The following RTF1 variants were observed in gnomAD, a reference collection of about 807,000 sequenced individuals.
RTF1 encodes the protein RNA polymerase-associated protein RTF1 homolog.
RTF1 carries 10 observed loss-of-function variants against 95.7 expected under a neutral mutation model. The ratio of observed to expected loss-of-function variants is 0.10; its 90% confidence interval spans 0.06 to 0.18. The LOEUF is 0.18. RTF1 is among the 10% of genes least tolerant of loss of function. The probability of loss-of-function intolerance (pLI) is 1.00; values close to 1 mark genes in which losing one functional copy is unlikely to be tolerated. For synonymous variants in RTF1, 305 were observed against 311.8 expected (o/e 0.98, Z 0.23); for missense variants, 458 against 875.6 (o/e 0.52, Z 6.02).
At chr15:41,429,693 A>G (rs2050658878) in intron 1 of RTF1, among the ~76,000 whole-genome samples, 2 of 152,086 alleles carry the variant, frequency 1.3e-5, no homozygotes, top group African/African-American at 4.8e-5. Flanking sequence ...AGCTGTTATC[A>G]GCTTCAGGGC....
At chr15:41,445,426 T>C (rs1266748357) in intron 2 of RTF1, among the ~76,000 whole-genome samples, 1 of 152,202 alleles carries the variant, frequency 6.6e-6, no homozygotes, top group Non-Finnish European at 1.5e-5. Flanking sequence ...TAATGTAGTA[T>C]TAATTATATT....
intron 6 of RTF1, among the ~76,000 whole-genome samples, chr15:41,469,205 G>A (rs555955569): frequency 1.4e-4 from 21 of 152,192 alleles, no homozygotes; most frequent in South Asian, 1.2e-3. Context: ...GACCTTAAGT[G>A]ATCCGCCTTG....
chr15:41,432,308 C>T (rs1197624134), intron 1 of RTF1, among the ~76,000 whole-genome samples: 2 of 151,542 alleles, frequency 1.3e-5, no homozygotes, highest in African/African-American at 4.8e-5. Context: ...CGCCATTCTC[C>T]CACCTCAGCC....
chr15:41,468,183 A>G lies in RTF1; in HGVS notation c.889+1931A>G, dbSNP rs544926784. 2.0e-5 allele frequency among the ~76,000 whole-genome samples: 3 copies of G among 152,110 alleles called. No individual in the cohort carries two copies. In the East Asian group the frequency reaches 5.8e-4, roughly 29 times the overall value. The stretch of plus-strand genomic sequence containing the variant: ...CTCTGTCTCAAAAAAAAAGAAAAAG[A>G]AATAATAACGTGTTCTGTCCTAGTA... On this transcript the variant is annotated intron_variant, in intron 6 of 17. Transcript: ENST00000389629.
chr15:41,462,272 C>T (rs1224617808), intron 4 of RTF1, among the ~76,000 whole-genome samples: 2 of 152,010 alleles, frequency 1.3e-5, no homozygotes, highest in Non-Finnish European at 2.9e-5. Flanking sequence ...ATGTAAGCAC[C>T]ATTAGCATCC....
intron 1 of RTF1, among the ~76,000 whole-genome samples, chr15:41,429,150 A>G (rs1158190636): frequency 1.3e-5 from 2 of 151,962 alleles, no homozygotes; most frequent in Non-Finnish European, 1.5e-5. Flanking sequence ...CTCCCAAAGT[A>G]CTGGGATTAC....
At chr15:41,419,901 C>T (rs1406244528) in intron 1 of RTF1, among the ~76,000 whole-genome samples, 4 of 152,118 alleles carry the variant, frequency 2.6e-5, no homozygotes, top group Admixed American at 6.6e-5. Flanking sequence ...CTCACTGCAA[C>T]CTCCGCCCAC....
In RTF1 at chr15:41,445,081, A is replaced by G. The variant is rs192456965; in HGVS notation, c.309+6650A>G. ...CTAGTAGCTGGGACTACAGGCGCCC[A>G]CCACCAATGCCCAGCTAATTTTTTT... On this transcript the variant is annotated intron_variant, in intron 2 of 17. Coordinates refer to ENST00000389629, the MANE Select transcript of RTF1 (RefSeq NM_015138.5). Among the ~76,000 whole-genome samples, 356 of 151,702 alleles carry G rather than the reference A, an allele frequency of 2.3e-3. 2 individuals are homozygous for G. The highest frequency in any genetic ancestry group is 8.4e-3 in the African/African-American group (348 of 41,376).
At position 41,426,781 on chromosome 15, in the gene RTF1, A is replaced by ATGTGTGTGTGTGTG. The variant is rs58073154; in HGVS notation, c.198+9500_198+9513dup. On this transcript the variant is annotated intron_variant, in intron 1 of 17. Transcript: ENST00000389629. ...TACTGTGCCCAGCCGCTACATATAT[A>ATGTGTGTGTGTGTG]TGTGTGTGTGTGTGTGTGTGTGTGT... Among the ~76,000 whole-genome samples the ATGTGTGTGTGTGTG allele has an allele frequency of 6.8e-4, 53 of 78,458 alleles. 1 individual carries two copies. The highest frequency in any genetic ancestry group is 2.0e-3 in the East Asian group (5 of 2,440). 51.5% of individuals were successfully genotyped at this position (78,458 alleles called of 152,430 possible). A position where few individuals can be genotyped will look rare whatever the true frequency, so the allele number is the denominator to read the frequency against.
intron 1 of RTF1, among the ~76,000 whole-genome samples, chr15:41,433,691 A>G (rs942803599): frequency 5.3e-5 from 8 of 152,122 alleles, no homozygotes; most frequent in African/African-American, 1.9e-4. Flanking sequence ...AAGACCATAA[A>G]CGTATTACTA....
intron 1 of RTF1, among the ~76,000 whole-genome samples, chr15:41,422,316 C>T (rs775628527): frequency 6.6e-6 from 1 of 152,118 alleles, no homozygotes; most frequent in Non-Finnish European, 1.5e-5. Context: ...AAAACTAAGA[C>T]CTAGTTTGAG....
intron 1 of RTF1, among the ~76,000 whole-genome samples, chr15:41,422,566 C>G (rs1169881415): frequency 1.3e-5 from 2 of 152,122 alleles, no homozygotes; most frequent in Non-Finnish European, 2.9e-5. Flanking sequence ...GTTCTCAATT[C>G]AAATCAGTAC....
chr15:41,449,404 T>C (rs2050779423), intron 2 of RTF1, among the ~76,000 whole-genome samples: 1 of 152,064 alleles, frequency 6.6e-6, no homozygotes. Flanking sequence ...CTAATTTTTT[T>C]GCATTTTTAG....
At chr15:41,464,199 A>G (rs931227854) in intron 4 of RTF1, among the ~76,000 whole-genome samples, 13 of 150,284 alleles carry the variant, frequency 8.7e-5, no homozygotes, top group Admixed American at 1.3e-4. Context: ...TCTGTCGCCC[A>G]GGCTAGAGTG....
intron 2 of RTF1, among the ~76,000 whole-genome samples, chr15:41,444,914 A>G (rs1438213635): frequency 6.6e-6 from 1 of 151,752 alleles, no homozygotes; most frequent in Non-Finnish European, 1.5e-5. Flanking sequence ...CATGAGCTTT[A>G]TTTTTATTTT....
Position 41,451,640 on chromosome 15 carries a change from G to A in RTF1, c.310-1261G>A, listed in dbSNP as rs188731009. Among the ~76,000 whole-genome samples the A allele has an allele frequency of 3.3e-5, 5 of 152,252 alleles. No homozygotes were observed. In the East Asian group the frequency reaches 9.6e-4, roughly 29 times the overall value. ...TATTTAATGATGTACTTTACTTTCT[G>A]CCTCTTTGGAGTTAGTGCCAGTGCT... On this transcript the variant is annotated intron_variant, in intron 2 of 17. Coordinates refer to ENST00000389629, the MANE Select transcript of RTF1 (RefSeq NM_015138.5).
chr15:41,482,732 T>C lies in RTF1; in HGVS notation c.*2045T>C, dbSNP rs1363271091. The C allele has an allele frequency of 6.6e-6, 1 of 152,604 alleles. No homozygotes were observed. Among genetic ancestry groups the C allele is most frequent in the Non-Finnish European group, 1.5e-5 (1 of 68,032 alleles). 9.5% of individuals were successfully genotyped at this position (152,604 alleles called of 1,614,324 possible). On this transcript the variant is annotated 3_prime_UTR_variant, in exon 18 of 18. Transcript: ENST00000389629. ...AACTCTTTATAGACTATTGTGTAAATGTGGAATCACAGACTGTTAACATTG... is the reference window on the plus strand; with the variant it reads ...AACTCTTTATAGACTATTGTGTAAACGTGGAATCACAGACTGTTAACATTG...
At chr15:41,453,988 C>T (rs1240080226) in intron 3 of RTF1, among the ~76,000 whole-genome samples, 1 of 152,180 alleles carries the variant, frequency 6.6e-6, no homozygotes, top group Admixed American at 6.5e-5. Flanking sequence ...ACTCATTGTA[C>T]TCACATACTT....
intron 8 of RTF1, 34 bp downstream of exon 8, chr15:41,471,383 C>A: frequency 6.3e-7 from 1 of 1,579,614 alleles, no homozygotes. Context: ...ATTGTCCATG[C>A]TTTCAGTATA....
Sources: allele counts gnomAD v4.1 joint callset (sites outside exome capture counted in the v4.1 genomes callset), GRCh38; gene constraint gnomAD v4.1.1; transcripts MANE v1.5; gene names NCBI Gene and HGNC (gene_info 2026-07-23, HGNC 2026-07-21).